The following NUMB variants were observed in gnomAD, a reference collection of about 807,000 sequenced individuals.
The protein encoded by NUMB is protein numb homolog.
NUMB carries 29 observed loss-of-function variants against 59.7 expected under a neutral mutation model. That is an observed-to-expected ratio of 0.49 (90% CI 0.36 to 0.66). The LOEUF is 0.66. Ranked by LOEUF, NUMB falls within the 30% of genes least tolerant of loss-of-function variation. The pLI, the probability that NUMB is intolerant of heterozygous loss-of-function variation, is 0.00. For synonymous variants in NUMB, 288 were observed against 288.2 expected (o/e 1.00, Z 0.01); for missense variants, 723 against 822.0 (o/e 0.88, Z 1.47).
intron 1 of NUMB, among the ~76,000 whole-genome samples, chr14:73,456,496 A>G (rs1304680962): frequency 1.3e-5 from 2 of 152,256 alleles, no homozygotes; most frequent in East Asian, 1.9e-4. Context: ...GTGACCTAGT[A>G]CATACATGTA....
chr14:73,367,296 T>TACACACACAC (rs1196520524), intron 2 of NUMB, among the ~76,000 whole-genome samples: 4 of 121,030 alleles, frequency 3.3e-5, no homozygotes, highest in African/African-American at 1.5e-4. Context: ...TATATATATA[T>TACACACACAC]ACACACACAC....
In NUMB at chr14:73,287,250, C is replaced by T. The variant is rs1420055957; in HGVS notation, c.515G>A (p.Arg172Gln). Residue 172 changes from arginine to glutamine, a missense_variant, in exon 9 of 13, where the codon CGG (arginine) becomes CAG (glutamine). Arg to Gln is a conservative substitution (Grantham distance 43). This residue lies in a region of NUMB where 317 missense variants were observed against 436.6 expected (regional missense o/e 0.73). Coordinates refer to ENST00000555238, the MANE Select transcript of NUMB (RefSeq NM_001005743.2). ...AGCAGTCACTCCACATTCCTTCTCC[C>T]GCTTCTGCTTGCGCTCTAAACAGGC... ...FAACLERKQK[R>Q]EKECGVTATF... 4.3e-6 allele frequency: 7 copies of T among 1,613,620 alleles called. No individual in the cohort carries two copies. Among genetic ancestry groups the T allele is most frequent in the East Asian group, 4.5e-5 (2 of 44,850 alleles).
At chr14:73,306,807 C>G (rs1890461575) in intron 6 of NUMB, among the ~76,000 whole-genome samples, 1 of 152,216 alleles carries the variant, frequency 6.6e-6, no homozygotes, top group Non-Finnish European at 1.5e-5. Flanking sequence ...TGAACTTGAG[C>G]AGTACATTTC....
chr14:73,387,748 AAAAC>A (rs1196661116), intron 2 of NUMB, among the ~76,000 whole-genome samples: 6 of 149,678 alleles, frequency 4.0e-5, no homozygotes, highest in African/African-American at 1.0e-4. Context: ...AAAAAAAACA[AAAAC>A]AAACAAACAA....
chr14:73,419,321 T>C (rs561701641), intron 1 of NUMB, among the ~76,000 whole-genome samples: 14 of 152,078 alleles, frequency 9.2e-5, no homozygotes, highest in Non-Finnish European at 1.5e-4. Context: ...CAATCCTGGC[T>C]AACACGGTGA....
At chr14:73,454,409 A>G (rs1884209509) in intron 1 of NUMB, among the ~76,000 whole-genome samples, 1 of 152,192 alleles carries the variant, frequency 6.6e-6, no homozygotes, top group Admixed American at 6.5e-5. Context: ...GAAGCAAACT[A>G]AAAAACTAGA....
intron 1 of NUMB, among the ~76,000 whole-genome samples, chr14:73,428,467 C>T (rs1393176018): frequency 6.6e-6 from 1 of 152,158 alleles, no homozygotes; most frequent in African/African-American, 2.4e-5. Flanking sequence ...AGGTCCACCA[C>T]CTTCTCTCCT....
At position 73,350,023 on chromosome 14, in the gene NUMB, CGA is replaced by C. The variant is rs373117109; in HGVS notation, c.126+5601_126+5602del. On this transcript the variant is annotated intron_variant, in intron 4 of 12. Transcript: ENST00000555238. ...TTGCACCACTGCACTCCAGCCTGGG[CGA>C]GAGTGAGGCTCTGTCTCACATACAT... 3.8e-3 allele frequency among the ~76,000 whole-genome samples: 565 copies of C among 150,536 alleles called. 8 individuals carry two copies. Among genetic ancestry groups the C allele is most frequent in the African/African-American group, 0.013 (541 of 40,546 alleles).
intron 1 of NUMB, among the ~76,000 whole-genome samples, chr14:73,445,710 T>G (rs1595048549): frequency 1.3e-5 from 2 of 152,148 alleles, no homozygotes; most frequent in African/African-American, 4.8e-5. Context: ...ATGGATTATC[T>G]CATATAACCT....
At chr14:73,433,441 G>T (rs999520612) in intron 1 of NUMB, among the ~76,000 whole-genome samples, 2 of 152,058 alleles carry the variant, frequency 1.3e-5, no homozygotes, top group African/African-American at 4.8e-5. Context: ...TTTTTTTAAA[G>T]TAGTAGTGCT....
chr14:73,308,232 G>C (rs1290868457), intron 6 of NUMB, among the ~76,000 whole-genome samples: 2 of 152,160 alleles, frequency 1.3e-5, no homozygotes, highest in African/African-American at 4.8e-5. Context: ...GAAGCAGACA[G>C]GAACTGTTGA....
chr14:73,376,631 C>A (rs1894962198), intron 2 of NUMB, among the ~76,000 whole-genome samples: 1 of 151,940 alleles, frequency 6.6e-6, no homozygotes, highest in Admixed American at 6.6e-5. Context: ...AACTGACTTA[C>A]TATAAAGCCA....
chr14:73,292,012 G>C (rs66498577), intron 8 of NUMB, among the ~76,000 whole-genome samples: 1 of 151,872 alleles, frequency 6.6e-6, no homozygotes, highest in African/African-American at 2.4e-5. Flanking sequence ...ATAGTTGAAA[G>C]TATACTCCAA....
At chr14:73,433,519 G>A (rs1566795138) in intron 1 of NUMB, among the ~76,000 whole-genome samples, 1 of 152,022 alleles carries the variant, frequency 6.6e-6, no homozygotes, top group Non-Finnish European at 1.5e-5. Context: ...TTGTTTCCAG[G>A]GAATGTTAAT....
intron 2 of NUMB, among the ~76,000 whole-genome samples, chr14:73,378,872 G>A (rs781357858): frequency 9.2e-5 from 14 of 152,164 alleles, no homozygotes; most frequent in Non-Finnish European, 1.9e-4. Context: ...ACACTACCAA[G>A]AGTTATCCCT....
intron 2 of NUMB, among the ~76,000 whole-genome samples, chr14:73,400,279 G>T (rs2140115357): frequency 6.6e-6 from 1 of 152,268 alleles, no homozygotes; most frequent in Non-Finnish European, 1.5e-5. Flanking sequence ...GTGAGAGGAA[G>T]GGATGGACAG....
At chr14:73,445,678 A>G (rs1354977806) in intron 1 of NUMB, among the ~76,000 whole-genome samples, 1 of 152,200 alleles carries the variant, frequency 6.6e-6, no homozygotes, top group East Asian at 1.9e-4. Context: ...ACTAAACAGT[A>G]TGTTAAATTG....
At chr14:73,346,480 CAAAA>C (rs144434568) in intron 4 of NUMB, among the ~76,000 whole-genome samples, 6 of 114,910 alleles carry the variant, frequency 5.2e-5, no homozygotes, top group African/African-American at 1.8e-4. Flanking sequence ...AACTCTGTCT[CAAAA>C]AAAAAAAAAA....
intron 3 of NUMB, among the ~76,000 whole-genome samples, chr14:73,362,559 C>T (rs1162194295): frequency 6.6e-6 from 1 of 152,104 alleles, no homozygotes; most frequent in African/African-American, 2.4e-5. Flanking sequence ...CCTCCCACTT[C>T]AGCCTCCCAA....
Sources: gnomAD v4.1 joint callset for allele counts (sites outside exome capture counted in the v4.1 genomes callset) on GRCh38, gnomAD v4.1.1 for gene constraint, gnomAD v4.1.1 regional missense constraint, MANE v1.5 for transcripts, NCBI Gene and HGNC (gene_info 2026-07-23, HGNC 2026-07-21) for gene names.